The following F13A1 variants were observed in gnomAD, a reference collection of about 807,000 sequenced individuals.
The protein encoded by F13A1 is FSF, A subunit.
In F13A1, 47 loss-of-function variants were observed where a neutral mutation model predicts 80.1. That is an observed-to-expected ratio of 0.59 (90% CI 0.46 to 0.75). The LOEUF (loss-of-function observed/expected upper bound fraction) is 0.75, where lower values mean the gene tolerates loss of function less well. Among genes scored for constraint, F13A1 ranks in the 30% least tolerant of loss-of-function variants. The pLI is 0.00. For synonymous variants in F13A1, 349 were observed against 344.9 expected (o/e 1.01, Z -0.13); for missense variants, 817 against 930.4 (o/e 0.88, Z 1.59).
chr6:6,183,780 C>T (rs981311791), intron 10 of F13A1, among the ~76,000 whole-genome samples: 4 of 152,006 alleles, frequency 2.6e-5, no homozygotes, highest in African/African-American at 7.3e-5. Context: ...ACCTGGGTTC[C>T]GATAGTGGGT....
chr6:6,281,447 C>A (rs1369517971), intron 3 of F13A1, among the ~76,000 whole-genome samples: 2 of 152,110 alleles, frequency 1.3e-5, no homozygotes, highest in African/African-American at 4.8e-5. Flanking sequence ...CCATTTAGAG[C>A]CAGAATAATC....
Position 6,151,832 on chromosome 6 carries a change from G to T in F13A1, c.2026C>A (p.Pro676Thr). The T allele has an allele frequency of 6.2e-7, 1 of 1,614,084 alleles. No homozygotes were observed. The highest frequency in any genetic ancestry group is 8.5e-7 in the Non-Finnish European group (1 of 1,179,966). Reference protein sequence around the residue: ...VHLDGPGVTRPMKKMFREIRP... With the variant: ...VHLDGPGVTRTMKKMFREIRP... Reference sequence around the variant, plus strand: ...GTTTACCGGAACATCTTCTTCATTGGTCTTGTTACTCCAGGACCATCCAGG... The same window carrying T: ...GTTTACCGGAACATCTTCTTCATTGTTCTTGTTACTCCAGGACCATCCAGG... Residue 676 changes from proline (P) to threonine (T), a missense_variant, in exon 14 of 15, where the codon CCA becomes ACA. Physicochemically the swap from Pro to Thr is conservative, Grantham distance 38. Transcript: ENST00000264870.
At chr6:6,288,584 T>G (rs963931785) in intron 3 of F13A1, among the ~76,000 whole-genome samples, 8 of 152,338 alleles carry the variant, frequency 5.3e-5, no homozygotes, top group Non-Finnish European at 8.8e-5. Flanking sequence ...CTTTCATATC[T>G]TGGTTATTGT....
At chr6:6,309,152 A>G (rs944819482) in intron 2 of F13A1, among the ~76,000 whole-genome samples, 1 of 152,202 alleles carries the variant, frequency 6.6e-6, no homozygotes, top group Non-Finnish European at 1.5e-5. Flanking sequence ...TGGGAATGTT[A>G]TAAGTGTGCT....
intron 11 of F13A1, among the ~76,000 whole-genome samples, chr6:6,177,101 T>A (rs550629756): frequency 3.3e-5 from 5 of 152,228 alleles, no homozygotes; most frequent in Admixed American, 3.3e-4. Context: ...CTTACATAAT[T>A]CAGGGCCACA....
chr6:6,236,232 G>A (rs1026965929), intron 6 of F13A1, among the ~76,000 whole-genome samples: 3 of 151,978 alleles, frequency 2.0e-5, no homozygotes, highest in East Asian at 3.8e-4. Context: ...TTTAGTGTTC[G>A]TTTCATGGGT....
At chr6:6,287,539 T>A (rs6934544) in intron 3 of F13A1, among the ~76,000 whole-genome samples, 1 of 152,036 alleles carries the variant, frequency 6.6e-6, no homozygotes, top group African/African-American at 2.4e-5. Context: ...TTGTGGATGT[T>A]CTGAGTGTTC....
chr6:6,260,788 C>T (rs1311860019), intron 4 of F13A1, among the ~76,000 whole-genome samples: 2 of 152,016 alleles, frequency 1.3e-5, no homozygotes, highest in African/African-American at 2.4e-5. Context: ...GATCCCTCTG[C>T]ATTAAGGAAG....
Position 6,145,305 on chromosome 6 carries a change from C to G in F13A1, c.*314G>C. The G allele has an allele frequency of 2.6e-6, 1 of 380,108 alleles. No homozygotes were observed. The highest frequency in any genetic ancestry group is 6.3e-5 in the East Asian group (1 of 15,830). 23.5% of individuals were successfully genotyped at this position (380,108 alleles called of 1,614,324 possible). A position where few individuals can be genotyped will look rare whatever the true frequency, so the allele number is the denominator to read the frequency against. ...CAAATCTCCCTGGTAAGAGAGCCCA[C>G]TGATATTTGGAGATGTAGCCATTTG... On this transcript the variant is annotated 3_prime_UTR_variant, in exon 15 of 15. Coordinates refer to ENST00000264870, the MANE Select transcript of F13A1 (RefSeq NM_000129.4).
intron 3 of F13A1, among the ~76,000 whole-genome samples, chr6:6,301,354 ATAG>A (rs932803952): frequency 2.6e-5 from 4 of 152,198 alleles, no homozygotes; most frequent in African/African-American, 7.2e-5. Context: ...TCTACACTAA[ATAG>A]TAGAGTGTGG....
At chr6:6,216,319 C>T (rs1757087757) in intron 8 of F13A1, among the ~76,000 whole-genome samples, 1 of 151,506 alleles carries the variant, frequency 6.6e-6, no homozygotes, top group Non-Finnish European at 1.5e-5. Flanking sequence ...GTACTGGTAC[C>T]AAAACAGAGA....
At chr6:6,176,248 T>C (rs1256756512) in intron 11 of F13A1, among the ~76,000 whole-genome samples, 1 of 152,196 alleles carries the variant, frequency 6.6e-6, no homozygotes, top group African/African-American at 2.4e-5. Context: ...ATCTAGTTAA[T>C]AATAAAATGC....
At chr6:6,193,588 CG>C in intron 10 of F13A1, among the ~76,000 whole-genome samples, 1 of 152,334 alleles carries the variant, frequency 6.6e-6, no homozygotes, top group Non-Finnish European at 1.5e-5. Context: ...CTGTCAGACA[CG>C]CCTCTGCAGT....
At chr6:6,274,231 T>C (rs1422351529) in intron 3 of F13A1, among the ~76,000 whole-genome samples, 5 of 152,246 alleles carry the variant, frequency 3.3e-5, no homozygotes, top group Non-Finnish European at 1.5e-5. Context: ...AATAAATATT[T>C]GGCAAATGGA....
At position 6,312,644 on chromosome 6, in the gene F13A1, C is replaced by G. The variant is rs1179928237; in HGVS notation, c.130+5891G>C. Among the ~76,000 whole-genome samples the G allele has an allele frequency of 5.7e-4, 39 of 68,854 alleles. 1 individual carries two copies. The highest frequency in any genetic ancestry group is 1.9e-4 in the Non-Finnish European group (7 of 36,394). 45.2% of individuals were successfully genotyped at this position (68,854 alleles called of 152,430 possible). ...AGTGAGCCGAGATCGCGCCACTGCACTCCAGCCTGGGTGACAGAGCAAGAC... is the reference window on the plus strand; with the variant it reads ...AGTGAGCCGAGATCGCGCCACTGCAGTCCAGCCTGGGTGACAGAGCAAGAC... On this transcript the variant is annotated intron_variant, in intron 2 of 14. Coordinates refer to ENST00000264870, the MANE Select transcript of F13A1 (RefSeq NM_000129.4).
intron 13 of F13A1, among the ~76,000 whole-genome samples, chr6:6,163,169 T>C (rs187371099): frequency 2.2e-4 from 33 of 152,292 alleles, no homozygotes; most frequent in African/African-American, 7.2e-4. Context: ...CACAGCAACC[T>C]TGAGGCTCAG....
At chr6:6,184,686 AT>A (rs1262262235) in intron 10 of F13A1, among the ~76,000 whole-genome samples, 1 of 152,234 alleles carries the variant, frequency 6.6e-6, no homozygotes, top group Non-Finnish European at 1.5e-5. Context: ...AACAATCCTT[AT>A]AACAGCTTGT....
chr6:6,224,971 A>G (rs1583081023), intron 6 of F13A1, 111 bp from the exon 7 acceptor site: 1 of 1,103,486 alleles, frequency 9.1e-7, no homozygotes, highest in African/African-American at 1.5e-5. Context: ...TGTTGTGCCC[A>G]GTGAAAAGAG....
chr6:6,191,358 G>T (rs1006586911), intron 10 of F13A1, among the ~76,000 whole-genome samples: 8 of 152,072 alleles, frequency 5.3e-5, no homozygotes, highest in African/African-American at 1.9e-4. Context: ...TCCTTCTTTT[G>T]AATGTAATGT....
Sources: allele counts gnomAD v4.1 joint callset (sites outside exome capture counted in the v4.1 genomes callset), GRCh38; gene constraint gnomAD v4.1.1; transcripts MANE v1.5; gene names NCBI Gene and HGNC (gene_info 2026-07-23, HGNC 2026-07-21).